GABRB1: variants seen among roughly 807,000 people sequenced by gnomAD.
The protein encoded by GABRB1 is gamma-aminobutyric acid type A receptor subunit beta1.
Under a neutral mutation model 51.6 loss-of-function variants are expected in GABRB1, and 17 were observed. The ratio of observed to expected loss-of-function variants is 0.33; its 90% CI spans 0.23 to 0.49. The LOEUF is 0.49. Among genes scored for constraint, GABRB1 ranks in the 20% least tolerant of loss-of-function variants. The probability of loss-of-function intolerance (pLI) is 0.99; values close to 1 mark genes in which losing one functional copy is unlikely to be tolerated. For synonymous variants in GABRB1, 247 were observed against 218.9 expected (o/e 1.13, Z -1.14); for missense variants, 410 against 600.6 (o/e 0.68, Z 3.32).
intron 4 of GABRB1, among the ~76,000 whole-genome samples, chr4:47,293,297 A>C (rs1478779025): frequency 1.3e-5 from 2 of 152,146 alleles, no homozygotes; most frequent in East Asian, 3.9e-4. Context: ...ATGTGCCATA[A>C]TGCTTGGCTA....
intron 4 of GABRB1, among the ~76,000 whole-genome samples, chr4:47,292,681 G>A (rs886599763): frequency 7.2e-5 from 11 of 152,158 alleles, no homozygotes; most frequent in African/African-American, 1.7e-4. Flanking sequence ...GTAATTTATT[G>A]TGAACAGAAA....
chr4:47,130,000 A>G (rs1484037875), intron 3 of GABRB1, among the ~76,000 whole-genome samples: 2 of 152,150 alleles, frequency 1.3e-5, no homozygotes, highest in South Asian at 2.1e-4. Context: ...CAATTTTCGC[A>G]AAGTATATGT....
intron 3 of GABRB1, among the ~76,000 whole-genome samples, chr4:47,092,794 T>A (rs1051033957): frequency 6.6e-6 from 1 of 152,032 alleles, no homozygotes; most frequent in Non-Finnish European, 1.5e-5. Flanking sequence ...TTGTGTTTTT[T>A]AGTAGAGATG....
At chr4:47,298,473 G>A (rs1302335643) in intron 4 of GABRB1, among the ~76,000 whole-genome samples, 1 of 152,124 alleles carries the variant, frequency 6.6e-6, no homozygotes, top group Non-Finnish European at 1.5e-5. Flanking sequence ...AATCATAAGT[G>A]AACTCCCATT....
intron 3 of GABRB1, among the ~76,000 whole-genome samples, chr4:47,158,355 A>G (rs1172268139): frequency 6.6e-6 from 1 of 152,128 alleles, no homozygotes; most frequent in Non-Finnish European, 1.5e-5. Flanking sequence ...TGGAATGGCT[A>G]AATAAAGCTA....
intron 4 of GABRB1, among the ~76,000 whole-genome samples, chr4:47,263,486 C>T (rs1226725368): frequency 2.6e-5 from 4 of 152,132 alleles, no homozygotes; most frequent in African/African-American, 7.2e-5. Context: ...CAGGACTTCA[C>T]TGTGAAGGCT....
rs372746217 is a variant in GABRB1 at position 47,406,666 on chromosome 4, T to C, written c.836-16T>C. 5 of 1,613,938 alleles carry C rather than the reference T, an allele frequency of 3.1e-6. No individual in the cohort carries two copies. The highest frequency in any genetic ancestry group is 4.2e-6 in the Non-Finnish European group (5 of 1,179,832). On this transcript the variant is annotated splice_polypyrimidine_tract_variant and intron_variant, in intron 7 of 8. Coordinates refer to ENST00000295454, the MANE Select transcript of GABRB1 (RefSeq NM_000812.4). ...TAGTGGCACCTTCAGCTAAGTGTTGTCTTTCTCTTTCACAGGAATCACGAC... is the reference window on the plus strand; with the variant it reads ...TAGTGGCACCTTCAGCTAAGTGTTGCCTTTCTCTTTCACAGGAATCACGAC...
chr4:47,177,022 C>A (rs1425247878), intron 4 of GABRB1, among the ~76,000 whole-genome samples: 1 of 152,090 alleles, frequency 6.6e-6, no homozygotes, highest in African/African-American at 2.4e-5. Flanking sequence ...GGCCTACAGG[C>A]TCAACCACTA....
At chr4:47,170,399 A>ACG (rs1560569354) in intron 4 of GABRB1, among the ~76,000 whole-genome samples, 6 of 150,660 alleles carry the variant, frequency 4.0e-5, no homozygotes, top group African/African-American at 1.2e-4. Context: ...ACACACACAC[A>ACG]CACGCACACA....
intron 3 of GABRB1, among the ~76,000 whole-genome samples, chr4:47,062,444 C>CAT (rs67644869): frequency 0.5 from 74,330 of 147,822 alleles, 18,715 homozygotes; most frequent in African/African-American, 0.53. Context: ...TATATATTTT[C>CAT]ATATATATAT....
intron 5 of GABRB1, among the ~76,000 whole-genome samples, chr4:47,328,278 T>A (rs183856840): frequency 0.013 from 1,968 of 152,282 alleles, 23 homozygotes; most frequent in Non-Finnish European, 0.019. Flanking sequence ...TTCACTCTGA[T>A]GGTAGTTTCT....
At chr4:47,033,390 T>TA (rs1471191097) in intron 3 of GABRB1, among the ~76,000 whole-genome samples, 3 of 152,188 alleles carry the variant, frequency 2.0e-5, no homozygotes, top group South Asian at 2.1e-4. Context: ...GTTTTCTACT[T>TA]AGAGTTTCTA....
intron 3 of GABRB1, among the ~76,000 whole-genome samples, chr4:47,083,508 A>G (rs941297782): frequency 1.3e-5 from 2 of 152,136 alleles, no homozygotes; most frequent in South Asian, 4.1e-4. Flanking sequence ...TTCATTGCTT[A>G]TCATAAAAGC....
At chr4:47,073,010 C>T (rs960026726) in intron 3 of GABRB1, among the ~76,000 whole-genome samples, 7 of 152,174 alleles carry the variant, frequency 4.6e-5, no homozygotes, top group African/African-American at 1.7e-4. Flanking sequence ...TATTATAGAC[C>T]TATAGACTAT....
intron 5 of GABRB1, among the ~76,000 whole-genome samples, chr4:47,338,704 G>T (rs1725784636): frequency 6.6e-6 from 1 of 152,182 alleles, no homozygotes; most frequent in Admixed American, 6.5e-5. Context: ...GTTCTACGAA[G>T]CACCATGCAG....
chr4:47,297,321 C>G (rs1432478787), intron 4 of GABRB1, among the ~76,000 whole-genome samples: 142 of 124,432 alleles, frequency 1.1e-3, no homozygotes, highest in African/African-American at 4.3e-3. Context: ...AATCCAGGAG[C>G]TGGTTTTTTG....
intron 1 of GABRB1, among the ~76,000 whole-genome samples, chr4:46,997,383 C>G (rs1000832849): frequency 2.7e-5 from 4 of 150,798 alleles, no homozygotes; most frequent in Non-Finnish European, 4.4e-5. Flanking sequence ...TAACTGTGGC[C>G]TCATGTTGTA....
intron 4 of GABRB1, among the ~76,000 whole-genome samples, chr4:47,185,441 G>A (rs565951307): frequency 4.6e-5 from 7 of 151,918 alleles, no homozygotes; most frequent in African/African-American, 9.6e-5. Flanking sequence ...AAAGATCACA[G>A]CTAACATGAA....
chr4:47,138,161 C>T (rs1461660282), intron 3 of GABRB1, among the ~76,000 whole-genome samples: 1 of 151,924 alleles, frequency 6.6e-6, no homozygotes, highest in East Asian at 1.9e-4. Flanking sequence ...TAAGACAATC[C>T]CTGCTGGGCA....
Sources: gnomAD v4.1 joint callset for allele counts (sites outside exome capture counted in the v4.1 genomes callset) on GRCh38, gnomAD v4.1.1 for gene constraint, MANE v1.5 for transcripts, NCBI Gene and HGNC (gene_info 2026-07-23, HGNC 2026-07-21) for gene names.